The following PBLD variants were observed in gnomAD, a reference collection of about 807,000 sequenced individuals.
PBLD encodes the protein phenazine biosynthesis like protein domain containing.
In PBLD, 26 loss-of-function variants were observed where a neutral mutation model predicts 31.3. That is an observed-to-expected ratio of 0.83 (90% CI 0.61 to 1.15). The LOEUF (loss-of-function observed/expected upper bound fraction) is 1.15, where lower values mean the gene tolerates loss of function less well. Ranked by LOEUF, PBLD falls within the 50% of genes most tolerant of loss-of-function variation. The pLI is 0.00. For missense variants in PBLD, 307 were observed against 351.7 expected, an observed-to-expected ratio of 0.87 and a Z score of 1.02; for synonymous variants, 114 against 129.0, an observed-to-expected ratio of 0.88 and a Z score of 0.79.
intron 1 of PBLD, among the ~76,000 whole-genome samples, chr10:68,324,939 C>A (rs2044892937): frequency 1.2e-5 from 1 of 86,402 alleles, no homozygotes; most frequent in Non-Finnish European, 2.3e-5. Context: ...TTAATCAGAA[C>A]TATCTAATTA....
At chr10:68,290,429 A>G (rs1292974784) in intron 6 of PBLD, among the ~76,000 whole-genome samples, 1 of 152,146 alleles carries the variant, frequency 6.6e-6, no homozygotes, top group Non-Finnish European at 1.5e-5. Flanking sequence ...TTGATTTAAA[A>G]GTTCAGGGGT....
At chr10:68,306,208 TC>T (rs1455557271) in intron 2 of PBLD, among the ~76,000 whole-genome samples, 12 of 152,156 alleles carry the variant, frequency 7.9e-5, no homozygotes, top group African/African-American at 2.9e-4. Context: ...TTAATATGTA[TC>T]CTAATCAAAA....
intron 1 of PBLD, among the ~76,000 whole-genome samples, chr10:68,327,673 C>CAA (rs35759039): frequency 0.06 from 4,067 of 67,694 alleles, 220 homozygotes; most frequent in African/African-American, 0.16. Flanking sequence ...GACTCCACCT[C>CAA]AAAAAAAAAA....
intron 2 of PBLD, among the ~76,000 whole-genome samples, chr10:68,305,331 T>TCAAA (rs2044562318): frequency 6.8e-6 from 1 of 146,922 alleles, no homozygotes; most frequent in African/African-American, 2.5e-5. Flanking sequence ...CAGGTTGGAC[T>TCAAA]CTGGCTCCTG....
chr10:68,332,464 C>G (rs1488118634), intron 1 of PBLD, among the ~76,000 whole-genome samples: 1 of 152,236 alleles, frequency 6.6e-6, no homozygotes, highest in African/African-American at 2.4e-5. Context: ...AGGGGACATC[C>G]AGCATTTTCC....
intron 1 of PBLD, among the ~76,000 whole-genome samples, chr10:68,310,365 GTATATATATA>G (rs34887418): frequency 7.1e-6 from 1 of 140,302 alleles, no homozygotes; most frequent in Non-Finnish European, 1.5e-5. Flanking sequence ...ATGTTTTGAA[GTATATATATA>G]TATATATATA....
chr10:68,295,016 T>C (rs1278669916), intron 4 of PBLD, among the ~76,000 whole-genome samples: 2 of 152,194 alleles, frequency 1.3e-5, no homozygotes, highest in African/African-American at 4.8e-5. Flanking sequence ...TGTGGCTGCT[T>C]CCATCTCCTG....
chr10:68,329,415 G>A (rs2044976688), intron 1 of PBLD, among the ~76,000 whole-genome samples: 1 of 152,192 alleles, frequency 6.6e-6, no homozygotes, highest in African/African-American at 2.4e-5. Flanking sequence ...CGGAAGGAAT[G>A]CCAAATTCAA....
At chr10:68,302,839 T>C (rs183501050) in intron 2 of PBLD, among the ~76,000 whole-genome samples, 1 of 136,464 alleles carries the variant, frequency 7.3e-6, no homozygotes, top group Non-Finnish European at 1.6e-5. Context: ...AGGTCCTGTC[T>C]CTGGAAAAAA....
At chr10:68,330,676 G>A (rs915444397) in intron 1 of PBLD, among the ~76,000 whole-genome samples, 1 of 151,258 alleles carries the variant, frequency 6.6e-6, no homozygotes, top group African/African-American at 2.4e-5. Context: ...CTCCTGAGTA[G>A]CTGAGACTAC....
At chr10:68,311,121 A>T (rs1157408367) in intron 1 of PBLD, among the ~76,000 whole-genome samples, 1 of 152,200 alleles carries the variant, frequency 6.6e-6, no homozygotes, top group East Asian at 1.9e-4. Flanking sequence ...CTGAAAGCAC[A>T]CTGGGCTTTC....
intron 1 of PBLD, among the ~76,000 whole-genome samples, chr10:68,318,328 A>G (rs1041910411): frequency 6.9e-6 from 1 of 144,818 alleles, no homozygotes; most frequent in African/African-American, 2.5e-5. Context: ...GCTTGAGGCC[A>G]GGAGTTCAAA....
At chr10:68,299,726 C>T (rs1032529516) in intron 2 of PBLD, among the ~76,000 whole-genome samples, 2 of 151,902 alleles carry the variant, frequency 1.3e-5, no homozygotes, top group African/African-American at 4.8e-5. Context: ...AGTGGTGGTG[C>T]GCGCCTGTAA....
At chr10:68,309,442 T>G (rs937988319) in intron 1 of PBLD, among the ~76,000 whole-genome samples, 1 of 148,040 alleles carries the variant, frequency 6.8e-6, no homozygotes, top group Non-Finnish European at 1.5e-5. Flanking sequence ...CACTTCACTC[T>G]TGCTTATAAC....
At chr10:68,288,712 A>G in intron 7 of PBLD, 51 bp from the exon 8 acceptor site, 1 of 1,572,458 alleles carries the variant, frequency 6.4e-7, no homozygotes, top group Non-Finnish European at 8.7e-7. Context: ...CAGCCCACTC[A>G]CCACACAGAC....
At chr10:68,314,730 T>C (rs1202182996) in intron 1 of PBLD, among the ~76,000 whole-genome samples, 1 of 152,124 alleles carries the variant, frequency 6.6e-6, no homozygotes, top group Non-Finnish European at 1.5e-5. Flanking sequence ...CCTAAGTAGC[T>C]GGGATTACAG....
At chr10:68,314,094 A>G (rs2044704408) in intron 1 of PBLD, among the ~76,000 whole-genome samples, 1 of 152,014 alleles carries the variant, frequency 6.6e-6, no homozygotes, top group African/African-American at 2.4e-5. Context: ...CTCCTGCCTC[A>G]GCCTCCCGAG....
intron 1 of PBLD, among the ~76,000 whole-genome samples, chr10:68,307,751 G>A (rs1006902418): frequency 7.9e-5 from 12 of 151,862 alleles, no homozygotes; most frequent in African/African-American, 2.2e-4. Context: ...CACCCGCCTC[G>A]GCCTCCCAAA....
At chr10:68,304,570 G>T (rs1402697602) in intron 2 of PBLD, among the ~76,000 whole-genome samples, 2 of 151,956 alleles carry the variant, frequency 1.3e-5, no homozygotes, top group African/African-American at 4.8e-5. Context: ...TAGGTAGAAA[G>T]AGAGAGAAAA....
Sources: gnomAD v4.1 joint callset for allele counts (sites outside exome capture counted in the v4.1 genomes callset) on GRCh38, gnomAD v4.1.1 for gene constraint, MANE v1.5 for transcripts, NCBI Gene and HGNC (gene_info 2026-07-23, HGNC 2026-07-21) for gene names.